SNRPN: variants seen among roughly 807,000 people sequenced by gnomAD.
SNRPN encodes small nuclear ribonucleoprotein polypeptide N, also known as small nuclear ribonucleoprotein-associated protein N.
Under a neutral mutation model 25.2 loss-of-function variants are expected in SNRPN, and 7 were observed. That is an observed-to-expected ratio of 0.28 (90% CI 0.16 to 0.52). The LOEUF (loss-of-function observed/expected upper bound fraction) is 0.52. Among genes scored for constraint, SNRPN ranks in the 20% least tolerant of loss-of-function variants. The probability of loss-of-function intolerance (pLI) is 0.96; values close to 1 mark genes in which losing one functional copy is unlikely to be tolerated. For synonymous variants in SNRPN, 124 were observed against 110.6 expected (o/e 1.12, Z -0.76); for missense variants, 196 against 322.5 (o/e 0.61, Z 3.00).
intron 6 of SNRPN, 148 bp from the exon 7 acceptor site, chr15:24,976,729 G>A: frequency 2.8e-6 from 2 of 707,826 alleles, no homozygotes; most frequent in South Asian, 1.8e-5. Context: ...TACCTCCATG[G>A]TATACTTGCT....
intron 3 of SNRPN, among the ~76,000 whole-genome samples, chr15:24,927,655 A>G (rs2060512076): frequency 6.6e-6 from 1 of 151,968 alleles, no homozygotes; most frequent in Non-Finnish European, 1.5e-5. Flanking sequence ...ATTTTATCTA[A>G]TCTACAGGCC....
At chr15:24,860,043 G>T (rs1447000247) in intron 1 of SNRPN, among the ~76,000 whole-genome samples, 2 of 152,096 alleles carry the variant, frequency 1.3e-5, no homozygotes, top group Non-Finnish European at 2.9e-5. Context: ...AACCATCTGG[G>T]AATGCAGCCC....
intron 1 of SNRPN, among the ~76,000 whole-genome samples, chr15:24,884,124 CAACA>C (rs1425957196): frequency 4.2e-5 from 5 of 120,302 alleles, no homozygotes; most frequent in African/African-American, 1.3e-4. Flanking sequence ...CCAGCCTGGG[CAACA>C]TGGCATAACC....
chr15:24,919,417 C>A (rs1482352900), intron 2 of SNRPN, among the ~76,000 whole-genome samples: 6 of 134,676 alleles, frequency 4.5e-5, no homozygotes, highest in African/African-American at 1.7e-4. Flanking sequence ...GGCGACAGAG[C>A]GAGACTCTGT....
chr15:24,863,410 G>A (rs1380531997), intron 1 of SNRPN, among the ~76,000 whole-genome samples: 3 of 150,362 alleles, frequency 2.0e-5, no homozygotes, highest in South Asian at 4.2e-4. Context: ...TGATGGTGGT[G>A]GGCAGTGTGC....
upstream of SNRPN, among the ~76,000 whole-genome samples, chr15:24,950,068 C>T (rs1299480017): frequency 6.6e-6 from 1 of 152,114 alleles, no homozygotes; most frequent in East Asian, 1.9e-4. Context: ...GCAATCCTCT[C>T]GCCTTGGCTT....
At chr15:24,902,308 T>C (rs74003505) in intron 2 of SNRPN, among the ~76,000 whole-genome samples, 1,793 of 152,250 alleles carry the variant, frequency 0.012, 35 homozygotes, top group African/African-American at 0.041. Flanking sequence ...TTCAGATGTA[T>C]AGGAATGTAG....
Position 24,978,428 on chromosome 15 carries a change from G to A in SNRPN, c.707G>A (p.Arg236His). ...CCAGGTCCACCTCCCCCAGGAATGC[G>A]TCCACCAAGACCTTAGCATACTGTT... ...GIRGPPPPGM[R>H]PPRP The change falls in exon 10 of 10, where the codon CGT becomes CAT. Residue 236 changes from arginine to histidine, a missense_variant. By Grantham distance (29) the Arg-to-His change is conservative. Coordinates refer to ENST00000390687, the MANE Select transcript of SNRPN (RefSeq NM_003097.6). 3.7e-6 allele frequency: 6 copies of A among 1,613,426 alleles called. No individual in the cohort carries two copies. Among genetic ancestry groups the A allele is most frequent in the Non-Finnish European group, 5.1e-6 (6 of 1,179,858 alleles).
intron 3 of SNRPN, among the ~76,000 whole-genome samples, chr15:24,941,118 A>T (rs1465309959): frequency 2.0e-5 from 3 of 152,270 alleles, no homozygotes; most frequent in African/African-American, 7.2e-5. Context: ...CTGAGACCAC[A>T]GGTGCACACT....
At chr15:24,977,254 A>G (rs1450378867) in intron 7 of SNRPN, among the ~76,000 whole-genome samples, 2 of 152,214 alleles carry the variant, frequency 1.3e-5, no homozygotes, top group Non-Finnish European at 2.9e-5. Context: ...GTAACTTGCC[A>G]CTAGTGGTGA....
intron 3 of SNRPN, among the ~76,000 whole-genome samples, chr15:24,948,315 T>C (rs1330856416): frequency 6.6e-6 from 1 of 152,102 alleles, no homozygotes; most frequent in Non-Finnish European, 1.5e-5. Context: ...GGTTTCATCA[T>C]GTTGGCCAGG....
chr15:24,910,355 C>T (rs544068980), intron 2 of SNRPN, among the ~76,000 whole-genome samples: 13 of 152,234 alleles, frequency 8.5e-5, no homozygotes, highest in Non-Finnish European at 1.2e-4. Context: ...TGGTGGCACA[C>T]ACCTGTAGTC....
At chr15:24,829,694 G>T (rs151291100) in intron 1 of SNRPN, 3,131 of 152,468 alleles carry the variant, frequency 0.021, 50 homozygotes, top group Non-Finnish European at 0.035. Flanking sequence ...GGTGGCCCCA[G>T]TCCACTGTGC....
Position 24,971,474 on chromosome 15 carries a change from G to A in SNRPN, c.-143-2837G>A, listed in dbSNP as rs775976834. 7.9e-4 allele frequency among the ~76,000 whole-genome samples: 120 copies of A among 151,914 alleles called. 1 individual carries two copies. Among genetic ancestry groups the A allele is most frequent in the Non-Finnish European group, 1.6e-3 (111 of 67,994 alleles). ...GGGAATCCTTTTAACTGCTGTAGGA[G>A]GTCAACTCCTATTGTGAGTAAAACA... On this transcript the variant is annotated intron_variant, in intron 3 of 9. Coordinates refer to ENST00000390687, the MANE Select transcript of SNRPN (RefSeq NM_003097.6).
At chr15:24,864,393 G>C (rs2054353508) in intron 1 of SNRPN, among the ~76,000 whole-genome samples, 2 of 133,366 alleles carry the variant, frequency 1.5e-5, no homozygotes, top group African/African-American at 5.7e-5. Context: ...ACACAGGCTA[G>C]AATACAATGG....
upstream of SNRPN, among the ~76,000 whole-genome samples, chr15:24,953,720 T>C (rs1163493826): frequency 6.6e-6 from 1 of 152,240 alleles, no homozygotes; most frequent in Non-Finnish European, 1.5e-5. Context: ...GCAATGTTTT[T>C]GTAGGTCAAA....
chr15:24,965,970 A>C (rs1003848324), intron 2 of SNRPN, among the ~76,000 whole-genome samples: 1 of 152,176 alleles, frequency 6.6e-6, no homozygotes, highest in Non-Finnish European at 1.5e-5. Context: ...TGCCCAAATT[A>C]AGATTTATTT....
chr15:24,906,789 T>A (rs2058833299), intron 2 of SNRPN, among the ~76,000 whole-genome samples: 1 of 152,180 alleles, frequency 6.6e-6, no homozygotes, highest in African/African-American at 2.4e-5. Flanking sequence ...AACGAAATTT[T>A]AGGTGAATGG....
chr15:24,892,254 C>G (rs921064286), intron 2 of SNRPN, among the ~76,000 whole-genome samples: 1 of 152,092 alleles, frequency 6.6e-6, no homozygotes, highest in African/African-American at 2.4e-5. Flanking sequence ...CCCTTGACAG[C>G]AGGGTGGACT....
Sources: allele counts gnomAD v4.1 joint callset (sites outside exome capture counted in the v4.1 genomes callset), GRCh38; gene constraint gnomAD v4.1.1; transcripts MANE v1.5; gene names NCBI Gene and HGNC (gene_info 2026-07-23, HGNC 2026-07-21).